Variants in ARRDC5 observed in about 807,000 individuals in gnomAD.
The protein encoded by ARRDC5 is arrestin domain-containing protein 5.
In ARRDC5, 12 loss-of-function variants were observed where a neutral mutation model predicts 13.3. The observed-to-expected ratio is 0.90, with a 90% CI of 0.58 to 1.46. The LOEUF (loss-of-function observed/expected upper bound fraction) is 1.46. Among genes scored for constraint, ARRDC5 ranks in the 40% most tolerant of loss-of-function variants. The pLI is 0.00. For synonymous variants in ARRDC5, 181 were observed against 173.4 expected (o/e 1.04, Z -0.34); for missense variants, 406 against 418.7 (o/e 0.97, Z 0.26).
upstream of ARRDC5, chr19:4,903,113 G>A (rs1368028201): frequency 1.5e-5 from 6 of 387,806 alleles, no homozygotes; most frequent in African/African-American, 8.3e-5. Context: ...TGCAACCTCC[G>A]CCTCATGGGT....
chr19:4,916,508 C>T, the ARRDC5 span, among the ~76,000 whole-genome samples: 1 of 152,096 alleles, frequency 6.6e-6, no homozygotes, highest in African/African-American at 2.4e-5. Flanking sequence ...TTGTGTTGAC[C>T]TCACTGACCC....
upstream of ARRDC5, chr19:4,903,791 C>T (rs1239908612): frequency 6.6e-6 from 1 of 152,228 alleles, no homozygotes; most frequent in African/African-American, 2.4e-5. Context: ...TTGTGAGCCA[C>T]TGTGCCCAGG....
chr19:4,891,562 G>T lies in ARRDC5; in HGVS notation c.471C>A (p.Phe157Leu). 1.2e-6 allele frequency: 2 copies of T among 1,611,934 alleles called. No individual in the cohort carries two copies. The highest frequency in any genetic ancestry group is 2.2e-5 in the South Asian group (2 of 90,736). Residue 157 changes from phenylalanine (F) to leucine (L), a missense_variant, in exon 3 of 3, where the codon TTC becomes TTA. Physicochemically the swap from Phe to Leu is conservative, Grantham distance 22 (BLOSUM62 0). Transcript: ENST00000650722. Reference protein sequence around the residue: ...HKETPFQNPLFVEAEEKVSYN... With the variant: ...HKETPFQNPLLVEAEEKVSYN... ...AGGAGACTTTCTCCTCAGCCTCCAC[G>T]AACAAGGGGTTCTAGGAGGATGTGG...
upstream of ARRDC5, among the ~76,000 whole-genome samples, chr19:4,905,954 T>A (rs978798686): frequency 6.6e-6 from 1 of 152,210 alleles, no homozygotes; most frequent in Non-Finnish European, 1.5e-5. Flanking sequence ...TTGTTACTCA[T>A]GTTTTTAAAT....
chr19:4,916,582 G>A, the ARRDC5 span, among the ~76,000 whole-genome samples: 4 of 152,138 alleles, frequency 2.6e-5, no homozygotes, highest in African/African-American at 4.8e-5. Context: ...GCAGAGTTCC[G>A]CTGTCACTAG....
the ARRDC5 span, among the ~76,000 whole-genome samples, chr19:4,913,619 G>A: frequency 1.3e-5 from 2 of 152,012 alleles, no homozygotes; most frequent in Non-Finnish European, 2.9e-5. Flanking sequence ...AGCCTTGCCG[G>A]AACTCACCCG....
the ARRDC5 span, chr19:4,909,759 C>A: frequency 2.5e-5 from 12 of 480,034 alleles, no homozygotes; most frequent in East Asian, 4.3e-4. Flanking sequence ...CACGCATGTC[C>A]CGCACTCTGT....
chr19:4,892,289 C>A (rs2031540655), intron 2 of ARRDC5, among the ~76,000 whole-genome samples: 1 of 151,760 alleles, frequency 6.6e-6, no homozygotes, highest in African/African-American at 2.4e-5. Flanking sequence ...CAGGGTTTCA[C>A]TATGTTGGCC....
chr19:4,892,709 A>G (rs2031553379), intron 2 of ARRDC5, among the ~76,000 whole-genome samples: 1 of 152,092 alleles, frequency 6.6e-6, no homozygotes, highest in South Asian at 2.1e-4. Context: ...GTTATTTCTG[A>G]TATTTTTATT....
chr19:4,898,748 C>T (rs2031815806), intron 1 of ARRDC5, among the ~76,000 whole-genome samples: 1 of 145,666 alleles, frequency 6.9e-6, no homozygotes, highest in Non-Finnish European at 1.5e-5. Context: ...TGCCTCAGCG[C>T]CCCAAGTAGC....
chr19:4,896,361 T>TACACACAG (rs2031729487), intron 2 of ARRDC5, among the ~76,000 whole-genome samples: 1 of 84,988 alleles, frequency 1.2e-5, no homozygotes, highest in South Asian at 4.3e-4. Context: ...TTTTTTTTTT[T>TACACACAG]ACACACACAC....
At chr19:4,906,693 C>G (rs1269739778), upstream of ARRDC5, among the ~76,000 whole-genome samples, 2 of 151,910 alleles carry the variant, frequency 1.3e-5, no homozygotes, top group Non-Finnish European at 2.9e-5. Context: ...GTGGAGGTTG[C>G]GGAGAGCCAA....
chr19:4,909,414 G>A, the ARRDC5 span: 1 of 652,044 alleles, frequency 1.5e-6, no homozygotes, highest in Admixed American at 2.3e-5. Flanking sequence ...CACTGCGTCG[G>A]CCAATCAGGA....
chr19:4,894,047 A>T (rs1308080823), intron 2 of ARRDC5, among the ~76,000 whole-genome samples: 3 of 31,370 alleles, frequency 9.6e-5, no homozygotes, highest in African/African-American at 8.8e-4. Context: ...GACTCTGCCT[A>T]AAAAAAAAAA....
chr19:4,916,813 A>G, the ARRDC5 span, among the ~76,000 whole-genome samples: 1 of 152,202 alleles, frequency 6.6e-6, no homozygotes, highest in Non-Finnish European at 1.5e-5. Flanking sequence ...AAGGCAGAGC[A>G]GTTTCTCACT....
At chr19:4,896,042 T>A (rs1217717801) in intron 2 of ARRDC5, among the ~76,000 whole-genome samples, 1 of 152,122 alleles carries the variant, frequency 6.6e-6, no homozygotes, top group Non-Finnish European at 1.5e-5. Flanking sequence ...TGGCCTGGCA[T>A]GGTGGCTCAC....
chr19:4,916,486 T>C, the ARRDC5 span, among the ~76,000 whole-genome samples: 1 of 151,998 alleles, frequency 6.6e-6, no homozygotes, highest in Admixed American at 6.5e-5. Flanking sequence ...GATCGTGGTG[T>C]CTTTGTGGCG....
At chr19:4,901,990 G>A (rs1407745707) in intron 1 of ARRDC5, among the ~76,000 whole-genome samples, 1 of 152,100 alleles carries the variant, frequency 6.6e-6, no homozygotes, top group Non-Finnish European at 1.5e-5. Context: ...GAGTTCAAGT[G>A]ATTCTCTTGC....
At chr19:4,906,619 G>T (rs1345590213), upstream of ARRDC5, among the ~76,000 whole-genome samples, 1 of 152,108 alleles carries the variant, frequency 6.6e-6, no homozygotes, top group African/African-American at 2.4e-5. Flanking sequence ...CGGACATGGT[G>T]GTGCGGACCT....
Sources: allele counts gnomAD v4.1 joint callset (sites outside exome capture counted in the v4.1 genomes callset), GRCh38; gene constraint gnomAD v4.1.1; transcripts MANE v1.5; gene names NCBI Gene and HGNC (gene_info 2026-07-23, HGNC 2026-07-21).